Variants in ACTR3C observed in about 807,000 individuals in gnomAD.
ACTR3C encodes actin related protein 3C.
ACTR3C carries 18 observed loss-of-function variants against 26.3 expected under a neutral mutation model. The ratio of observed to expected loss-of-function variants is 0.68; its 90% confidence interval spans 0.47 to 1.01. The LOEUF (loss-of-function observed/expected upper bound fraction) is 1.01, where lower values mean the gene tolerates loss of function less well. Ranked by LOEUF, ACTR3C falls within the 50% of genes least tolerant of loss-of-function variation. The probability of loss-of-function intolerance (pLI) is 0.00; values close to 1 mark genes in which losing one functional copy is unlikely to be tolerated. For missense variants in ACTR3C, 184 were observed against 250.7 expected (o/e 0.73, Z 1.80); for synonymous variants, 55 against 94.5 (o/e 0.58, Z 2.42).
downstream of ACTR3C, chr7:150,245,744 G>A (rs1248284578): frequency 2.6e-5 from 4 of 152,320 alleles, no homozygotes; most frequent in East Asian, 7.7e-4. Context: ...TGTGTTGACT[G>A]TCATATTTGC....
chr7:150,229,829 C>T, the ACTR3C span, among the ~76,000 whole-genome samples: 7 of 151,704 alleles, frequency 4.6e-5, no homozygotes, highest in Admixed American at 3.9e-4. Context: ...TTAAACCAGT[C>T]ATACATTCCT....
intron 6 of ACTR3C, among the ~76,000 whole-genome samples, chr7:150,260,261 C>A (rs1584857468): frequency 6.6e-6 from 1 of 152,160 alleles, no homozygotes; most frequent in South Asian, 2.1e-4. Flanking sequence ...TAATAATATT[C>A]TTTCATTTAT....
At chr7:149,951,962 G>T in the ACTR3C span, among the ~76,000 whole-genome samples, 1 of 149,418 alleles carries the variant, frequency 6.7e-6, no homozygotes, top group Non-Finnish European at 1.5e-5. Flanking sequence ...CAGTTCTGGG[G>T]CCTGGAAATC....
chr7:150,073,688 T>C, the ACTR3C span: 5 of 150,016 alleles, frequency 3.3e-5, no homozygotes, highest in African/African-American at 9.8e-5. Flanking sequence ...TTTCTTTTTA[T>C]GTGTTGGATT....
At chr7:150,165,100 C>T in the ACTR3C span, among the ~76,000 whole-genome samples, 1 of 152,294 alleles carries the variant, frequency 6.6e-6, no homozygotes, top group African/African-American at 2.4e-5. Flanking sequence ...AATTTGGCAC[C>T]ATGGTGTGCC....
chr7:150,023,054 C>T, the ACTR3C span, among the ~76,000 whole-genome samples: 2 of 150,526 alleles, frequency 1.3e-5, no homozygotes, highest in South Asian at 4.2e-4. Context: ...CCTATTTCCC[C>T]GAAGGTTATG....
intron 6 of ACTR3C, among the ~76,000 whole-genome samples, chr7:150,263,990 AGGCAGGGCCCT>A (rs1418610323): frequency 6.6e-6 from 1 of 152,262 alleles, no homozygotes; most frequent in Non-Finnish European, 1.5e-5. Context: ...GGGCTAAGGC[AGGCAGGGCCCT>A]GGCCGATGGC....
the ACTR3C span, among the ~76,000 whole-genome samples, chr7:150,109,761 C>T: frequency 0.011 from 1,668 of 150,072 alleles, 52 homozygotes; most frequent in African/African-American, 0.04. Context: ...CGTTTAATAA[C>T]CCAGAAGAGA....
chr7:150,054,541 C>T, the ACTR3C span, among the ~76,000 whole-genome samples: 1 of 152,238 alleles, frequency 6.6e-6, no homozygotes, highest in Non-Finnish European at 1.5e-5. Flanking sequence ...TTGGAGAAGA[C>T]CTCAATACAA....
At chr7:149,915,646 A>G in the ACTR3C span, among the ~76,000 whole-genome samples, 1 of 151,468 alleles carries the variant, frequency 6.6e-6, no homozygotes, top group African/African-American at 2.5e-5. Context: ...ACTGGTGCCA[A>G]TACTGAAGGT....
chr7:150,158,568 AC>A, the ACTR3C span, among the ~76,000 whole-genome samples: 2 of 152,236 alleles, frequency 1.3e-5, no homozygotes, highest in African/African-American at 4.8e-5. Flanking sequence ...AAGTGAAATA[AC>A]CCAGGCACAG....
the ACTR3C span, among the ~76,000 whole-genome samples, chr7:149,954,168 T>C: frequency 5.9e-5 from 9 of 151,928 alleles, no homozygotes; most frequent in Non-Finnish European, 7.4e-5. Context: ...CATATTAATT[T>C]AATTTTCATG....
At chr7:150,110,768 G>T in the ACTR3C span, among the ~76,000 whole-genome samples, 1 of 140,494 alleles carries the variant, frequency 7.1e-6, no homozygotes, top group Non-Finnish European at 1.5e-5. Context: ...CTTGCTGGGG[G>T]ACTGGCTCTG....
chr7:149,895,465 A>C, the ACTR3C span, among the ~76,000 whole-genome samples: 1 of 152,194 alleles, frequency 6.6e-6, no homozygotes, highest in Non-Finnish European at 1.5e-5. Flanking sequence ...ACCATTCACA[A>C]TGTATATAGA....
chr7:150,316,323 T>C (rs889348699), intron 1 of ACTR3C, among the ~76,000 whole-genome samples: 9 of 152,220 alleles, frequency 5.9e-5, no homozygotes, highest in African/African-American at 1.9e-4. Context: ...TGGCTGTCAA[T>C]ACATTGCACA....
chr7:150,137,360 G>A, the ACTR3C span, among the ~76,000 whole-genome samples: 22 of 152,186 alleles, frequency 1.4e-4, no homozygotes, highest in South Asian at 1.2e-3. Flanking sequence ...GGAGCAAGAC[G>A]AGGGAGAAAT....
At chr7:150,290,254 G>A (rs1836131573) in intron 3 of ACTR3C, among the ~76,000 whole-genome samples, 1 of 152,206 alleles carries the variant, frequency 6.6e-6, no homozygotes, top group Non-Finnish European at 1.5e-5. Flanking sequence ...GCATGTCTGT[G>A]AGGGGCCAGG....
the ACTR3C span, among the ~76,000 whole-genome samples, chr7:150,097,911 C>G: frequency 2.0e-5 from 3 of 151,526 alleles, no homozygotes; most frequent in Non-Finnish European, 2.9e-5. Context: ...CACTCAGGCT[C>G]TAAGCAGAGA....
the ACTR3C span, among the ~76,000 whole-genome samples, chr7:150,066,694 G>A: frequency 1.8e-4 from 27 of 152,286 alleles, no homozygotes; most frequent in East Asian, 4.6e-3. Context: ...TTCCACCAAT[G>A]TCACCAGGGC....
Sources: allele counts gnomAD v4.1 joint callset (sites outside exome capture counted in the v4.1 genomes callset), GRCh38; gene constraint gnomAD v4.1.1; transcripts MANE v1.5; gene names NCBI Gene and HGNC (gene_info 2026-07-23, HGNC 2026-07-21).